Variants in TRMT11 observed in about 807,000 individuals in gnomAD.
The protein encoded by TRMT11 is tRNA methyltransferase 11.
TRMT11 carries 53 observed loss-of-function variants against 62.8 expected under a neutral mutation model. The observed-to-expected ratio is 0.84, with a 90% CI of 0.68 to 1.06. TRMT11 has a LOEUF of 1.06. Ranked by LOEUF, TRMT11 falls within the 50% of genes least tolerant of loss-of-function variation. TRMT11 has a pLI of 0.00. For missense variants in TRMT11, 556 were observed against 553.4 expected (o/e 1.00, Z -0.05); for synonymous variants, 188 against 190.3 (o/e 0.99, Z 0.10).
chr6:126,022,465 T>C (rs1795970252), intron 12 of TRMT11, among the ~76,000 whole-genome samples: 2 of 152,218 alleles, frequency 1.3e-5, no homozygotes, highest in African/African-American at 4.8e-5. Context: ...TTGCATATAT[T>C]ATTTTACATC....
the TRMT11 span, among the ~76,000 whole-genome samples, chr6:126,267,336 T>A: frequency 1.3e-5 from 2 of 152,190 alleles, no homozygotes; most frequent in Non-Finnish European, 2.9e-5. Context: ...ACTCTGTAAG[T>A]ATTAATTTCA....
rs573500090 is a variant in TRMT11 at position 125,991,961 on chromosome 6, C to T, written c.73-1796C>T. ...ATAATAGAAAAGCTCATGGAATTAA[C>T]GCATCACACATGCCCCAGATCATGC... On this transcript the variant is annotated intron_variant, in intron 1 of 12. Coordinates refer to ENST00000334379, the MANE Select transcript of TRMT11 (RefSeq NM_001031712.3). Among the ~76,000 whole-genome samples, 16 of 152,286 alleles carry T rather than the reference C, an allele frequency of 1.1e-4. No homozygotes were observed. In the South Asian group the frequency reaches 2.5e-3, roughly 24 times the overall value.
chr6:126,079,120 A>G (rs532668334), intron 17 of TRMT11, among the ~76,000 whole-genome samples: 1 of 152,180 alleles, frequency 6.6e-6, no homozygotes, highest in Non-Finnish European at 1.5e-5. Flanking sequence ...CCTATGTTAC[A>G]GTGTCTCCAG....
Position 126,093,631 on chromosome 6 carries a change from A to ATATTTTTTTTTTTTTT in TRMT11, c.*1438-19234_*1438-19233insATTTTTTTTTTTTTTT, listed in dbSNP as rs1554236842. Among the ~76,000 whole-genome samples the ATATTTTTTTTTTTTTT allele has an allele frequency of 3.1e-4, 30 of 98,010 alleles. 2 individuals are homozygous for ATATTTTTTTTTTTTTT. The highest frequency in any genetic ancestry group is 1.3e-3 in the African/African-American group (30 of 22,922). 64.3% of individuals were successfully genotyped at this position (98,010 alleles called of 152,430 possible). Reference sequence around the variant, plus strand: ...TATATATATATATATATATATATATATTTTCCCCCAGTCCTGGAGGATCAA... The same window carrying ATATTTTTTTTTTTTTT: ...TATATATATATATATATATATATATATATTTTTTTTTTTTTTTTTTCCCCCAGTCCTGGAGGATCAA... On this transcript the variant is annotated intron_variant and NMD_transcript_variant, in intron 17 of 22. Coordinates refer to the TRMT11 transcript ENST00000648977.
chr6:126,161,120 G>A (rs577133113), intron 21 of TRMT11, among the ~76,000 whole-genome samples: 1 of 152,142 alleles, frequency 6.6e-6, no homozygotes, highest in Admixed American at 6.5e-5. Flanking sequence ...TGGGATACAT[G>A]TGCAGAATGT....
upstream of TRMT11, among the ~76,000 whole-genome samples, chr6:126,173,680 G>A (rs190690117): frequency 3.3e-5 from 5 of 152,246 alleles, no homozygotes; most frequent in East Asian, 3.9e-4. Context: ...TGGTGTTAGC[G>A]GTTGTTTGCA....
intron 17 of TRMT11, among the ~76,000 whole-genome samples, chr6:126,087,293 A>T (rs1777226559): frequency 6.6e-6 from 1 of 152,180 alleles, no homozygotes; most frequent in African/African-American, 2.4e-5. Flanking sequence ...CTGAAACAAA[A>T]AGCAGATCAT....
At chr6:126,188,453 G>C (rs1489149523) in intron 1 of TRMT11, among the ~76,000 whole-genome samples, 1 of 152,002 alleles carries the variant, frequency 6.6e-6, no homozygotes, top group Non-Finnish European at 1.5e-5. Context: ...CACTAGAATG[G>C]CTAAAATAAA....
At chr6:126,014,016 G>A (rs973949394) in intron 11 of TRMT11, among the ~76,000 whole-genome samples, 1 of 152,126 alleles carries the variant, frequency 6.6e-6, no homozygotes, top group African/African-American at 2.4e-5. Flanking sequence ...AATAAGAGCT[G>A]TGCATATATT....
chr6:126,070,225 A>G (rs909025075), intron 17 of TRMT11, among the ~76,000 whole-genome samples: 3 of 152,204 alleles, frequency 2.0e-5, no homozygotes, highest in Non-Finnish European at 4.4e-5. Context: ...TGGGACTCCC[A>G]TATCAGGATC....
At chr6:126,022,774 A>G (rs1452903285) in intron 12 of TRMT11, among the ~76,000 whole-genome samples, 2 of 152,250 alleles carry the variant, frequency 1.3e-5, no homozygotes, top group East Asian at 3.8e-4. Flanking sequence ...GTTGATTGGT[A>G]TCTACTATAT....
At chr6:126,255,475 A>G in the TRMT11 span, among the ~76,000 whole-genome samples, 1 of 152,214 alleles carries the variant, frequency 6.6e-6, no homozygotes, top group Non-Finnish European at 1.5e-5. Context: ...TTTGATAAGT[A>G]AATTCCAATT....
intron 17 of TRMT11, among the ~76,000 whole-genome samples, chr6:126,075,113 G>T (rs1030348645): frequency 5.3e-5 from 8 of 152,152 alleles, no homozygotes; most frequent in Admixed American, 3.9e-4. Flanking sequence ...AGTGCTCTGT[G>T]TAAGAAAAAC....
At chr6:126,146,862 T>TTGAATTGGGCCTGGAAGAGTGGGTAGA (rs369073111) in intron 21 of TRMT11, among the ~76,000 whole-genome samples, 4 of 114,894 alleles carry the variant, frequency 3.5e-5, no homozygotes, top group African/African-American at 1.0e-4. Flanking sequence ...AAGTAGTAAC[T>TTGAATTGGGCCTGGAAGAGTGGGTAGA]ACTGATATTA....
chr6:126,182,693 T>C (rs1040177051), intron 1 of TRMT11, among the ~76,000 whole-genome samples: 8 of 152,106 alleles, frequency 5.3e-5, no homozygotes, highest in Non-Finnish European at 1.5e-5. Flanking sequence ...GCAGCCTTCA[T>C]TCCTGTGCAG....
chr6:126,038,587 G>T, intron 12 of TRMT11, 118 bp from the exon 13 acceptor site: 1 of 753,222 alleles, frequency 1.3e-6, no homozygotes, highest in Non-Finnish European at 2.1e-6. Context: ...AGTGAAGGAA[G>T]ATAAATATGC....
intron 18 of TRMT11, among the ~76,000 whole-genome samples, chr6:126,113,480 T>C (rs964735910): frequency 7.9e-5 from 12 of 152,120 alleles, no homozygotes; most frequent in African/African-American, 1.9e-4. Flanking sequence ...ACAGTGATAC[T>C]TGTACTTTAG....
At chr6:125,986,790 G>T in intron 1 of TRMT11, 168 bp downstream of exon 1, 1 of 623,940 alleles carries the variant, frequency 1.6e-6, no homozygotes, top group South Asian at 2.0e-5. Context: ...TTGGCGGAGG[G>T]TGTGTGTGAG....
chr6:126,258,186 A>G, the TRMT11 span: 1 of 702,568 alleles, frequency 1.4e-6, no homozygotes, highest in Non-Finnish European at 2.7e-6. Context: ...TTGTGGTAAT[A>G]CTTGATGGTG....
Sources: gnomAD v4.1 joint callset for allele counts (sites outside exome capture counted in the v4.1 genomes callset) on GRCh38, gnomAD v4.1.1 for gene constraint, MANE v1.5 for transcripts, NCBI Gene and HGNC (gene_info 2026-07-23, HGNC 2026-07-21) for gene names.